SCAPER: variants seen among roughly 807,000 people sequenced by gnomAD.
The protein encoded by SCAPER is S phase cyclin A-associated protein in the endoplasmic reticulum.
A neutral mutation model predicts 182.2 loss-of-function variants in SCAPER; 98 were observed. The ratio of observed to expected loss-of-function variants is 0.54; its 90% CI spans 0.46 to 0.64. The LOEUF is 0.64. SCAPER is among the 30% of genes least tolerant of loss of function. The probability of loss-of-function intolerance (pLI) is 0.00; values close to 1 mark genes in which losing one functional copy is unlikely to be tolerated. For synonymous variants in SCAPER, 605 were observed against 564.6 expected (o/e 1.07, Z -1.01); for missense variants, 1,432 against 1,690.0 (o/e 0.85, Z 2.68).
chr15:76,694,645 T>A (rs1031663573), intron 20 of SCAPER, among the ~76,000 whole-genome samples: 1 of 152,116 alleles, frequency 6.6e-6, no homozygotes, highest in Non-Finnish European at 1.5e-5. Flanking sequence ...TACAATTTTA[T>A]AGACACATTA....
intron 26 of SCAPER, among the ~76,000 whole-genome samples, chr15:76,424,137 T>G (rs1017585612): frequency 6.6e-6 from 1 of 152,056 alleles, no homozygotes; most frequent in Non-Finnish European, 1.5e-5. Context: ...CTGTTAGGTC[T>G]TCTTGGTGCA....
At chr15:76,814,539 T>C (rs1321548499) in intron 5 of SCAPER, among the ~76,000 whole-genome samples, 1 of 152,032 alleles carries the variant, frequency 6.6e-6, no homozygotes, top group Non-Finnish European at 1.5e-5. Context: ...TTCAATAGTG[T>C]TGGGAAAACT....
chr15:76,505,990 G>A (rs943102363), intron 23 of SCAPER, among the ~76,000 whole-genome samples: 1 of 152,142 alleles, frequency 6.6e-6, no homozygotes, highest in Non-Finnish European at 1.5e-5. Context: ...AAATGAGCCA[G>A]GTGAAGTAAG....
intron 25 of SCAPER, among the ~76,000 whole-genome samples, chr15:76,443,889 C>T (rs934975834): frequency 6.6e-6 from 1 of 152,178 alleles, no homozygotes; most frequent in East Asian, 1.9e-4. Flanking sequence ...GCAATGGCTA[C>T]CAAGAGGTGG....
intron 24 of SCAPER, among the ~76,000 whole-genome samples, chr15:76,500,427 T>C (rs1039867055): frequency 6.6e-6 from 1 of 152,216 alleles, no homozygotes; most frequent in African/African-American, 2.4e-5. Context: ...AAGACTCTTT[T>C]TGGTGGCCCA....
intron 23 of SCAPER, among the ~76,000 whole-genome samples, chr15:76,543,489 C>T (rs1473443509): frequency 6.6e-6 from 1 of 152,172 alleles, no homozygotes; most frequent in East Asian, 1.9e-4. Flanking sequence ...AACTGCTGGG[C>T]ATAGCACTGT....
chr15:76,369,152 TA>T (rs1315468012), intron 29 of SCAPER, among the ~76,000 whole-genome samples: 5 of 152,090 alleles, frequency 3.3e-5, no homozygotes, highest in Non-Finnish European at 7.4e-5. Flanking sequence ...TGGTGGCAAA[TA>T]AAAAGTGCCA....
At position 76,689,414 on chromosome 15, in the gene SCAPER, T is replaced by C. The variant is rs556493652; in HGVS notation, c.2508+12344A>G. 2.6e-5 allele frequency among the ~76,000 whole-genome samples: 4 copies of C among 152,234 alleles called. No homozygotes were observed. The East Asian group carries it at 7.7e-4, about 29-fold the overall frequency. ...TCAGAAAACAGAAAACAGATTTTAA[T>C]GATTTTAAAGAGGCTACTTACTATG... On this transcript the variant is annotated intron_variant, in intron 20 of 31. Coordinates refer to ENST00000563290, the MANE Select transcript of SCAPER (RefSeq NM_020843.4).
At chr15:76,857,647 G>A (rs1173179426) in intron 4 of SCAPER, among the ~76,000 whole-genome samples, 162 bp downstream of exon 4, 1 of 152,046 alleles carries the variant, frequency 6.6e-6, no homozygotes, top group Non-Finnish European at 1.5e-5. Flanking sequence ...GTACAAGTAA[G>A]TCACACTGAT....
chr15:76,657,588 CAAA>C (rs35243291), intron 21 of SCAPER, among the ~76,000 whole-genome samples: 3 of 129,856 alleles, frequency 2.3e-5, no homozygotes, highest in East Asian at 2.2e-4. Context: ...GACACAACAA[CAAA>C]AAAAAAAAAA....
chr15:76,581,397 T>TA lies in SCAPER; in HGVS notation c.2712-7114dup, dbSNP rs201599931. ...TCAATATCCCTGATGAACACTGATA[T>TA]AAAAATCCTCAACAAAATACAAGCA... On this transcript the variant is annotated intron_variant, in intron 22 of 31. Coordinates refer to ENST00000563290, the MANE Select transcript of SCAPER (RefSeq NM_020843.4). 8.9e-4 allele frequency among the ~76,000 whole-genome samples: 135 copies of TA among 152,154 alleles called. 1 individual carries two copies. The East Asian group carries it at 0.025, about 28-fold the overall frequency.
At chr15:76,575,839 T>C (rs185248648) in intron 22 of SCAPER, among the ~76,000 whole-genome samples, 10 of 152,366 alleles carry the variant, frequency 6.6e-5, no homozygotes, top group Admixed American at 5.9e-4. Context: ...TACAAGGGAA[T>C]TTCCTGAAGT....
intron 25 of SCAPER, among the ~76,000 whole-genome samples, chr15:76,460,207 T>C (rs1277560518): frequency 2.0e-5 from 3 of 152,170 alleles, no homozygotes; most frequent in African/African-American, 7.2e-5. Flanking sequence ...TCCATGAGCA[T>C]GGATATCTTT....
chr15:76,873,197 G>A (rs1336585116), intron 2 of SCAPER, among the ~76,000 whole-genome samples: 2 of 151,348 alleles, frequency 1.3e-5, no homozygotes, highest in East Asian at 3.9e-4. Flanking sequence ...GCTGTAGTGA[G>A]CTATGATAGC....
At chr15:76,826,884 T>C (rs1429073887) in intron 5 of SCAPER, among the ~76,000 whole-genome samples, 2 of 152,188 alleles carry the variant, frequency 1.3e-5, no homozygotes, top group African/African-American at 2.4e-5. Flanking sequence ...GTTTTACAGC[T>C]TCCCATCAGT....
In SCAPER at chr15:76,772,000, A is replaced by G. The variant is rs1479191732; in HGVS notation, c.1036-46T>C. Reference sequence around the variant, plus strand: ...AATCAGAGATAATTAAAAAATACCAACTATTCCACTTTAGAAGAAGAGATG... The same window carrying G: ...AATCAGAGATAATTAAAAAATACCAGCTATTCCACTTTAGAAGAAGAGATG... On this transcript the variant is annotated intron_variant, in intron 9 of 31. Transcript: ENST00000563290. 3 of 1,391,382 alleles carry G rather than the reference A, an allele frequency of 2.2e-6. No homozygotes were observed. In the South Asian group the frequency reaches 3.6e-5, roughly 17 times the overall value. 86.2% of individuals were successfully genotyped at this position (1,391,382 alleles called of 1,614,324 possible). A position where few individuals can be genotyped will look rare whatever the true frequency, so the allele number is the denominator to read the frequency against.
intron 20 of SCAPER, among the ~76,000 whole-genome samples, chr15:76,681,927 T>C (rs1033824771): frequency 2.6e-5 from 4 of 152,132 alleles, no homozygotes; most frequent in African/African-American, 7.2e-5. Context: ...CTTAGAGTGA[T>C]TGTCAGACCT....
chr15:76,430,283 T>A (rs566920262), intron 26 of SCAPER, among the ~76,000 whole-genome samples: 1 of 152,060 alleles, frequency 6.6e-6, no homozygotes, highest in South Asian at 2.1e-4. Context: ...CTACACAGAG[T>A]CCCTACTGTG....
At chr15:76,678,750 A>C (rs1045953049) in intron 20 of SCAPER, among the ~76,000 whole-genome samples, 2 of 152,128 alleles carry the variant, frequency 1.3e-5, no homozygotes, top group African/African-American at 4.8e-5. Context: ...ACCTAAAAAC[A>C]AAGGGCATTT....
Sources: gnomAD v4.1 joint callset for allele counts (sites outside exome capture counted in the v4.1 genomes callset) on GRCh38, gnomAD v4.1.1 for gene constraint, MANE v1.5 for transcripts, NCBI Gene and HGNC (gene_info 2026-07-23, HGNC 2026-07-21) for gene names.